GLRB: variants seen among roughly 807,000 people sequenced by gnomAD.
GLRB encodes the protein glycine receptor beta, also known as glycine receptor subunit beta.
GLRB carries 33 observed loss-of-function variants against 54.2 expected under a neutral mutation model. The ratio of observed to expected loss-of-function variants is 0.61; its 90% confidence interval spans 0.46 to 0.81. The LOEUF is 0.81. Ranked by LOEUF, GLRB falls within the 40% of genes least tolerant of loss-of-function variation. The pLI, the probability that GLRB is intolerant of heterozygous loss-of-function variation, is 0.00. For synonymous variants in GLRB, 209 were observed against 208.2 expected (o/e 1.00, Z -0.03); for missense variants, 572 against 584.6 (o/e 0.98, Z 0.22).
intron 9 of GLRB, among the ~76,000 whole-genome samples, chr4:157,164,455 A>G (rs1737636539): frequency 6.6e-6 from 1 of 152,040 alleles, no homozygotes; most frequent in Non-Finnish European, 1.5e-5. Flanking sequence ...CAGCCCACCA[A>G]TCCCCTCTAA....
chr4:157,099,607 A>T (rs1330226458), intron 2 of GLRB, among the ~76,000 whole-genome samples: 1 of 152,124 alleles, frequency 6.6e-6, no homozygotes, highest in Non-Finnish European at 1.5e-5. Flanking sequence ...AAGTGCTGGG[A>T]TTACAGATGT....
At chr4:157,146,024 CTT>C (rs547388421) in intron 8 of GLRB, among the ~76,000 whole-genome samples, 15 of 143,982 alleles carry the variant, frequency 1.0e-4, no homozygotes, top group East Asian at 2.0e-4. Context: ...TGATTTTGAG[CTT>C]TTTTTTTTTT....
intron 2 of GLRB, among the ~76,000 whole-genome samples, chr4:157,094,676 T>C (rs1334117061): frequency 6.6e-6 from 1 of 152,158 alleles, no homozygotes; most frequent in Non-Finnish European, 1.5e-5. Flanking sequence ...ATCATGATGG[T>C]ATACCAATAC....
intron 2 of GLRB, among the ~76,000 whole-genome samples, chr4:157,103,048 G>A (rs1473197104): frequency 6.6e-6 from 1 of 151,976 alleles, no homozygotes; most frequent in Admixed American, 6.6e-5. Flanking sequence ...CTACTCAGGA[G>A]GCTGATACAG....
chr4:157,141,595 T>C (rs1369306108), intron 7 of GLRB, among the ~76,000 whole-genome samples: 1 of 151,876 alleles, frequency 6.6e-6, no homozygotes, highest in Non-Finnish European at 1.5e-5. Context: ...GAGTGAATAA[T>C]GGGATAAAAC....
intron 4 of GLRB, 30 bp from the exon 5 acceptor site, chr4:157,136,439 C>T: frequency 3.4e-6 from 4 of 1,188,332 alleles, no homozygotes; most frequent in Non-Finnish European, 3.8e-6. Context: ...AATAAACATA[C>T]ACATGTGCAC....
chr4:157,134,992 G>C (rs1736349484), intron 4 of GLRB, among the ~76,000 whole-genome samples: 1 of 151,982 alleles, frequency 6.6e-6, no homozygotes, highest in Admixed American at 6.6e-5. Context: ...TAAACTCTGA[G>C]GATTAAATGT....
At chr4:157,144,454 C>T (rs1054189871) in intron 8 of GLRB, among the ~76,000 whole-genome samples, 2 of 152,140 alleles carry the variant, frequency 1.3e-5, no homozygotes, top group Admixed American at 6.5e-5. Flanking sequence ...CCTTGAGGGC[C>T]ATTGCTCTCC....
chr4:157,167,297 T>A (rs1332519074), intron 9 of GLRB, among the ~76,000 whole-genome samples: 1 of 152,232 alleles, frequency 6.6e-6, no homozygotes, highest in Non-Finnish European at 1.5e-5. Flanking sequence ...CAGTCTGTTC[T>A]CCACTTCTAT....
chr4:157,080,773 A>G (rs1734193102), intron 2 of GLRB, among the ~76,000 whole-genome samples: 4 of 151,900 alleles, frequency 2.6e-5, no homozygotes, highest in Admixed American at 2.6e-4. Flanking sequence ...TTGCCCAGTG[A>G]TGTTTTCATT....
chr4:157,135,196 C>T (rs1177789830), intron 4 of GLRB, among the ~76,000 whole-genome samples: 5 of 152,010 alleles, frequency 3.3e-5, no homozygotes, highest in African/African-American at 1.2e-4. Context: ...ACCTACACAG[C>T]TTCATCTGGT....
chr4:157,102,977 C>T (rs551509738), intron 2 of GLRB, among the ~76,000 whole-genome samples: 1 of 152,024 alleles, frequency 6.6e-6, no homozygotes, highest in East Asian at 1.9e-4. Flanking sequence ...CCAGCCTGGC[C>T]AACATAGTGA....
At chr4:157,165,563 T>C (rs1737674312) in intron 9 of GLRB, among the ~76,000 whole-genome samples, 2 of 152,050 alleles carry the variant, frequency 1.3e-5, no homozygotes, top group South Asian at 2.1e-4. Context: ...TAGCTTTTAC[T>C]ATGAGGTTTT....
In GLRB at chr4:157,153,942, C is replaced by A. The variant is rs112727880; in HGVS notation, c.1197+932C>A. Among the ~76,000 whole-genome samples, 3 of 152,146 alleles carry A rather than the reference C, an allele frequency of 2.0e-5. No individual in the cohort carries two copies. The South Asian group carries it at 6.2e-4, about 31-fold the overall frequency. Reference sequence around the variant, plus strand: ...GAATGCTAGACTAGTATACCGCATGCGGTTCTTAGATGCAGAAGCAAAGGA... The same window carrying A: ...GAATGCTAGACTAGTATACCGCATGAGGTTCTTAGATGCAGAAGCAAAGGA... On this transcript the variant is annotated intron_variant, in intron 9 of 9. Coordinates refer to ENST00000264428, the MANE Select transcript of GLRB (RefSeq NM_000824.5).
rs568314637 is a variant in GLRB, at chr4:157,139,671, AAAG to A, written c.751+727_751+729del. ...ATAGTGTTATTTCACTTAGCAATAT[AAAG>A]AAGATTATTCAATTTTGATTATTAT... On this transcript the variant is annotated intron_variant, in intron 7 of 9. Coordinates refer to ENST00000264428, the MANE Select transcript of GLRB (RefSeq NM_000824.5). Among the ~76,000 whole-genome samples, 19 of 152,116 alleles carry A rather than the reference AAAG, an allele frequency of 1.2e-4. No individual in the cohort carries two copies. In the South Asian group the frequency reaches 2.9e-3, roughly 23 times the overall value.
At position 157,076,163 on chromosome 4, in the gene GLRB, G is replaced by T. The variant is rs1247841545; in HGVS notation, c.-164G>T. On this transcript the variant is annotated 5_prime_UTR_variant, in exon 1 of 10. Transcript: ENST00000264428. ...CGCGGCCCGAGCAGGCGCGTCAGCC[G>T]AGCTCGGCGGTGGCGCGGGCGGCTG... 2.0e-5 allele frequency: 3 copies of T among 149,452 alleles called. No individual in the cohort carries two copies. The highest frequency in any genetic ancestry group is 3.0e-5 in the Non-Finnish European group (2 of 67,186). The allele number at this position is 149,452 out of a possible 1,614,324, so 9.3% of individuals were successfully genotyped here.
chr4:157,111,674 G>A (rs942428675), intron 2 of GLRB, among the ~76,000 whole-genome samples: 7 of 151,980 alleles, frequency 4.6e-5, no homozygotes, highest in Non-Finnish European at 7.4e-5. Flanking sequence ...ATGTCCTTGA[G>A]GGGGAGTAAG....
intron 2 of GLRB, among the ~76,000 whole-genome samples, chr4:157,089,286 C>T (rs773813688): frequency 3.3e-5 from 5 of 151,970 alleles, no homozygotes; most frequent in Non-Finnish European, 5.9e-5. Context: ...GTAATCCCAG[C>T]TGCTTGGGAG....
intron 2 of GLRB, among the ~76,000 whole-genome samples, chr4:157,105,458 A>G (rs996370943): frequency 1.3e-5 from 2 of 152,060 alleles, no homozygotes; most frequent in African/African-American, 4.8e-5. Context: ...ATCTGGCAGA[A>G]TGTTCCATGT....
Sources: allele counts gnomAD v4.1 joint callset (sites outside exome capture counted in the v4.1 genomes callset), GRCh38; gene constraint gnomAD v4.1.1; transcripts MANE v1.5; gene names NCBI Gene and HGNC (gene_info 2026-07-23, HGNC 2026-07-21).